Variants in CNTNAP3B observed in about 807,000 individuals in gnomAD.
The protein encoded by CNTNAP3B is contactin associated protein family member 3B.
A neutral mutation model predicts 108.9 loss-of-function variants in CNTNAP3B; 25 were observed. The observed-to-expected ratio is 0.23, with a 90% CI of 0.17 to 0.32. The LOEUF (loss-of-function observed/expected upper bound fraction) is 0.32. CNTNAP3B is among the 10% of genes least tolerant of loss of function. The pLI is 1.00. For synonymous variants in CNTNAP3B, 103 were observed against 473.4 expected, an observed-to-expected ratio of 0.22 and a Z score of 10.16; for missense variants, 252 against 1,210.4, an observed-to-expected ratio of 0.21 and a Z score of 11.75.
intron 4 of CNTNAP3B, among the ~76,000 whole-genome samples, chr9:42,002,975 C>T (rs1826030925): frequency 8.2e-6 from 1 of 122,432 alleles, no homozygotes; most frequent in Non-Finnish European, 1.7e-5. Context: ...CAGCCTTGAA[C>T]TCCTGGGCTC....
intron 13 of CNTNAP3B, among the ~76,000 whole-genome samples, chr9:41,942,346 C>G (rs1327989559): frequency 6.6e-6 from 1 of 152,208 alleles, no homozygotes; most frequent in Admixed American, 6.5e-5. Context: ...TGAGGTGGCT[C>G]AAGCCTGTAA....
intron 12 of CNTNAP3B, among the ~76,000 whole-genome samples, chr9:41,958,334 G>A (rs568128301): frequency 6.6e-6 from 1 of 152,424 alleles, no homozygotes; most frequent in African/African-American, 2.4e-5. Flanking sequence ...TGTTGCAGAG[G>A]TGGGGGTCTC....
intron 1 of CNTNAP3B, among the ~76,000 whole-genome samples, chr9:42,110,057 C>A (rs557898468): frequency 1.5e-5 from 2 of 137,042 alleles, no homozygotes; most frequent in East Asian, 2.3e-4. Context: ...GATACTGATG[C>A]GGAACTTCTG....
At chr9:41,954,511 G>C (rs1824796789) in intron 12 of CNTNAP3B, among the ~76,000 whole-genome samples, 1 of 152,270 alleles carries the variant, frequency 6.6e-6, no homozygotes, top group Non-Finnish European at 1.5e-5. Flanking sequence ...CCACAAATGA[G>C]CCACAAGTAC....
chr9:42,121,048 A>G (rs1828450587), intron 1 of CNTNAP3B, among the ~76,000 whole-genome samples: 1 of 139,206 alleles, frequency 7.2e-6, no homozygotes, highest in Non-Finnish European at 1.5e-5. Flanking sequence ...CGATGCCTGC[A>G]GAAACCCAGT....
rs1192036416 is a variant in CNTNAP3B at position 42,112,071 on chromosome 9, TC to T, written c.86-7333del. 2.2e-5 allele frequency among the ~76,000 whole-genome samples: 3 copies of T among 139,524 alleles called. No homozygotes were observed. In the East Asian group the frequency reaches 6.5e-4, roughly 30 times the overall value. The allele number at this position is 139,524 out of a possible 152,430, so 91.5% of individuals were successfully genotyped here. A position where few individuals can be genotyped will look rare whatever the true frequency, so the allele number is the denominator to read the frequency against. The stretch of plus-strand genomic sequence containing the variant: ...CGTTACTCTCTGCACTACAGCCGAA[TC>T]CCCTACACATTTCTCAGATGCGCTT... On this transcript the variant is annotated intron_variant, in intron 1 of 23. Transcript: ENST00000377561.
chr9:41,944,855 T>A (rs1824477480), intron 13 of CNTNAP3B, among the ~76,000 whole-genome samples: 4 of 152,286 alleles, frequency 2.6e-5, no homozygotes. Context: ...GGAGAAAATT[T>A]TTGCAATCTA....
chr9:41,967,948 T>G (rs1825330487), intron 10 of CNTNAP3B, among the ~76,000 whole-genome samples: 2 of 152,360 alleles, frequency 1.3e-5, no homozygotes, highest in Non-Finnish European at 2.9e-5. Context: ...TGTTTACAAG[T>G]AACTTTGGGG....
intron 3 of CNTNAP3B, among the ~76,000 whole-genome samples, chr9:42,032,820 C>T (rs947053956): frequency 7.3e-6 from 1 of 136,454 alleles, no homozygotes; most frequent in African/African-American, 2.9e-5. Context: ...TGAGGGCTTT[C>T]TTCCTGGCTT....
chr9:41,924,383 C>G (rs915759513), intron 15 of CNTNAP3B, among the ~76,000 whole-genome samples: 3 of 152,306 alleles, frequency 2.0e-5, no homozygotes, highest in Non-Finnish European at 4.4e-5. Flanking sequence ...GGGTCAAGTT[C>G]AGAATCACCT....
intron 14 of CNTNAP3B, among the ~76,000 whole-genome samples, chr9:41,934,417 T>G (rs1312829725): frequency 2.4e-4 from 37 of 151,392 alleles, no homozygotes; most frequent in Admixed American, 3.3e-4. Flanking sequence ...AGACGGGGTT[T>G]CACCTGTGTT....
intron 3 of CNTNAP3B, among the ~76,000 whole-genome samples, chr9:42,042,206 C>T (rs1826776084): frequency 9.3e-6 from 1 of 107,488 alleles, no homozygotes; most frequent in African/African-American, 3.6e-5. Context: ...ACGTTGTACA[C>T]ATGTACCCTA....
At chr9:41,927,464 G>A (rs1823852107) in intron 15 of CNTNAP3B, among the ~76,000 whole-genome samples, 1 of 151,134 alleles carries the variant, frequency 6.6e-6, no homozygotes. Context: ...GAGAGGGAGG[G>A]AGGGAGTGGG....
At chr9:41,968,096 C>G in intron 10 of CNTNAP3B, among the ~76,000 whole-genome samples, 1 of 152,230 alleles carries the variant, frequency 6.6e-6, no homozygotes. Context: ...GAGCTACATG[C>G]ACAAAGCAGG....
At chr9:41,923,736 T>A (rs1240795017) in intron 16 of CNTNAP3B, 187 bp downstream of exon 16, 15 of 1,148,182 alleles carry the variant, frequency 1.3e-5, no homozygotes, top group East Asian at 1.0e-4. Flanking sequence ...CACTCCAGCA[T>A]GAGTGACACA....
At position 41,993,770 on chromosome 9, in the gene CNTNAP3B, A is replaced by G. The variant is rs893484870; in HGVS notation, c.1072-1899T>C. On this transcript the variant is annotated intron_variant, in intron 7 of 23. Coordinates refer to ENST00000377561, the MANE Select transcript of CNTNAP3B (RefSeq NM_001201380.3). ...ATACATTTTTAAATGTTTTCCTTTTATATATTGGAACAACTATTTTCCTGT... is the reference window on the plus strand; with the variant it reads ...ATACATTTTTAAATGTTTTCCTTTTGTATATTGGAACAACTATTTTCCTGT... The G allele has an allele frequency of 7.5e-5, 8 of 106,064 alleles. 2 individuals are homozygous for G. The highest frequency in any genetic ancestry group is 1.6e-4 in the Non-Finnish European group (8 of 50,632). 6.6% of individuals were successfully genotyped at this position (106,064 alleles called of 1,614,324 possible).
chr9:41,935,135 A>C (rs1824117863), intron 14 of CNTNAP3B, among the ~76,000 whole-genome samples: 1 of 152,296 alleles, frequency 6.6e-6, no homozygotes, highest in Non-Finnish European at 1.5e-5. Flanking sequence ...TTAAATCATT[A>C]TAGTGCCTTT....
intron 15 of CNTNAP3B, among the ~76,000 whole-genome samples, chr9:41,926,331 G>A (rs1386701277): frequency 6.6e-6 from 1 of 152,128 alleles, no homozygotes; most frequent in Non-Finnish European, 1.5e-5. Context: ...CCAAAAGAAG[G>A]GAAAAGAATC....
intron 3 of CNTNAP3B, among the ~76,000 whole-genome samples, chr9:42,036,466 G>T (rs1826633637): frequency 7.2e-6 from 1 of 138,722 alleles, no homozygotes; most frequent in Non-Finnish European, 1.5e-5. Flanking sequence ...TACTTTTTAA[G>T]ATCGAACTGC....
Sources: allele counts gnomAD v4.1 joint callset (sites outside exome capture counted in the v4.1 genomes callset), GRCh38; gene constraint gnomAD v4.1.1; transcripts MANE v1.5; gene names NCBI Gene and HGNC (gene_info 2026-07-23, HGNC 2026-07-21).